TRIP11: variants seen among roughly 807,000 people sequenced by gnomAD.
The protein encoded by TRIP11 is thyroid hormone receptor interactor 11.
Under a neutral mutation model 223.1 loss-of-function variants are expected in TRIP11, and 148 were observed. The observed-to-expected ratio is 0.66, with a 90% CI of 0.58 to 0.76. TRIP11 has a LOEUF of 0.76. Ranked by LOEUF, TRIP11 falls within the 30% of genes least tolerant of loss-of-function variation. The pLI is 0.00. For synonymous variants in TRIP11, 762 were observed against 772.6 expected, an observed-to-expected ratio of 0.99 and a Z score of 0.23; for missense variants, 2,043 against 2,222.0, an observed-to-expected ratio of 0.92 and a Z score of 1.62.
chr14:92,004,088 C>T lies in TRIP11; in HGVS notation c.3888G>A (p.Gly1296=), dbSNP rs1266811308. ...QELAQVQHSI[G]QLCNTKDLLL... ...GAAGATCCTTGGTATTGCAAAGCTG[C>T]CCAATGCTGTGCTGAACTTGTGCTA... The change falls in exon 11 of 21, where the codon GGG becomes GGA. Residue 1296 remains glycine (G), a synonymous_variant. Transcript: ENST00000267622. 1 of 1,614,034 alleles carries T rather than the reference C, an allele frequency of 6.2e-7. No individual in the cohort carries two copies. Among genetic ancestry groups the T allele is most frequent in the Non-Finnish European group, 8.5e-7 (1 of 1,180,032 alleles).
rs151151936 is a variant in TRIP11, at chr14:92,003,748, T to G, written c.4228A>C (p.Lys1410Gln). The change falls in exon 11 of 21, where the codon AAG becomes CAG. Residue 1410 changes from lysine (K) to glutamine (Q), a missense_variant. Transcript: ENST00000267622. ...EKQDVLQKLL[K>Q]EKDLLIKAKS... ...GCTTTGATTAAGAGGTCTTTTTCCT[T>G]AAGTAACTTTTGCAAAACATCTTGT... is the stretch of plus-strand genomic sequence containing the variant. The G allele has an allele frequency of 1.2e-6, 2 of 1,614,210 alleles. No individual in the cohort carries two copies. Among genetic ancestry groups the G allele is most frequent in the Non-Finnish European group, 1.7e-6 (2 of 1,180,030 alleles).
In TRIP11 at chr14:92,021,553, T is replaced by A; in HGVS notation, c.588+3A>T. 1 of 1,614,094 alleles carries A rather than the reference T, an allele frequency of 6.2e-7. No individual in the cohort carries two copies. The highest frequency in any genetic ancestry group is 8.5e-7 in the Non-Finnish European group (1 of 1,180,020). On this transcript the variant is annotated splice_donor_region_variant and intron_variant, in intron 4 of 20. Transcript: ENST00000267622. ...TCAAAAACTCTAAAAAATTTTTATCTACCTGAGCAATATGCCTCCAATGGC... is the reference window on the plus strand; with the variant it reads ...TCAAAAACTCTAAAAAATTTTTATCAACCTGAGCAATATGCCTCCAATGGC...
chr14:92,003,322 T>G (rs2056851326), intron 11 of TRIP11, 97 bp downstream of exon 11: 1 of 1,489,012 alleles, frequency 6.7e-7, no homozygotes, highest in South Asian at 1.2e-5. Context: ...AATGAACAAA[T>G]GCACAGTCCC....
chr14:92,008,785 G>C (rs1386968985), intron 9 of TRIP11, among the ~76,000 whole-genome samples: 4 of 152,032 alleles, frequency 2.6e-5, no homozygotes, highest in African/African-American at 9.7e-5. Flanking sequence ...AGGATTACTT[G>C]AGCCAAGGAG....
rs1349760504 is a variant in TRIP11, at chr14:91,969,501, C to T, written c.*172G>A. 1.4e-6 allele frequency: 1 copy of T among 704,296 alleles called. No individual in the cohort carries two copies. The highest frequency in any genetic ancestry group is 1.8e-5 in the African/African-American group (1 of 56,514). The allele number at this position is 704,296 out of a possible 1,614,324, so 43.6% of individuals were successfully genotyped here. On this transcript the variant is annotated 3_prime_UTR_variant, in exon 21 of 21. Transcript: ENST00000267622. ...CAGATTATATAGCAAACACTTGCTC[C>T]TGACACCTGCAGTTTCTAAAAGCAT...
intron 16 of TRIP11, among the ~76,000 whole-genome samples, chr14:91,981,290 A>G (rs2056540773): frequency 6.6e-6 from 1 of 151,302 alleles, no homozygotes; most frequent in African/African-American, 2.4e-5. Context: ...TGCTGGGATT[A>G]CGAGTGTGAA....
At position 92,039,762 on chromosome 14, in the gene TRIP11, T is replaced by C. The variant is rs1398372908; in HGVS notation, c.-77A>G. On this transcript the variant is annotated 5_prime_UTR_variant, in exon 1 of 21. In the 5' UTR this introduces an upstream ATG that the reference lacks. Coordinates refer to ENST00000267622, the MANE Select transcript of TRIP11 (RefSeq NM_004239.4). ...AGCGCCGCCGGGCGATCCGACCAAA[T>C]ATCCTTGAACGCCTGCCTTCGCGAG... The C allele has an allele frequency of 7.7e-6, 12 of 1,557,418 alleles. No individual in the cohort carries two copies. The Admixed American group carries it at 1.4e-4, about 18-fold the overall frequency.
In TRIP11 at chr14:92,039,940, C is replaced by T. The variant is rs886050911; in HGVS notation, c.-255G>A. The T allele has an allele frequency of 1.6e-5, 10 of 621,784 alleles. No homozygotes were observed. The highest frequency in any genetic ancestry group is 2.7e-5 in the Non-Finnish European group (10 of 366,976). 38.5% of individuals were successfully genotyped at this position (621,784 alleles called of 1,614,324 possible). On this transcript the variant is annotated 5_prime_UTR_variant, in exon 1 of 21. Transcript: ENST00000267622. ...GCCTTCTGCTCATTCCCACGAATTC[C>T]CACCGTCCAGATTGGGCCACTTCTT...
In TRIP11 at chr14:92,021,850, A is replaced by T. The variant is rs1350448704; in HGVS notation, c.313-19T>A. 1 of 1,611,066 alleles carries T rather than the reference A, an allele frequency of 6.2e-7. No individual in the cohort carries two copies. ...TTTCTACCTATATATTTATAATCCA[A>T]GTTTTAGAGAAGGTACTTTAAAACA... On this transcript the variant is annotated intron_variant, in intron 3 of 20. Transcript: ENST00000267622.
chr14:91,966,380 G>A lies in TRIP11; in HGVS notation c.*3293C>T, dbSNP rs1024211172. The A allele has an allele frequency of 1.7e-4, 31 of 184,824 alleles. No homozygotes were observed. Among genetic ancestry groups the A allele is most frequent in the African/African-American group, 7.3e-4 (31 of 42,738 alleles). 11.4% of individuals were successfully genotyped at this position (184,824 alleles called of 1,614,324 possible). On this transcript the variant is annotated 3_prime_UTR_variant, in exon 21 of 21. Coordinates refer to ENST00000267622, the MANE Select transcript of TRIP11 (RefSeq NM_004239.4). ...ACAAAACTTAAAGATAAATTTTTGTGGATGGAAGATGTCTTGAATACTTCA... is the reference window on the plus strand; with the variant it reads ...ACAAAACTTAAAGATAAATTTTTGTAGATGGAAGATGTCTTGAATACTTCA...
At chr14:92,036,536 T>C (rs2057327197) in intron 1 of TRIP11, among the ~76,000 whole-genome samples, 1 of 152,238 alleles carries the variant, frequency 6.6e-6, no homozygotes, top group African/African-American at 2.4e-5. Flanking sequence ...CATGTCTCTC[T>C]GATTTAAAAG....
intron 15 of TRIP11, among the ~76,000 whole-genome samples, chr14:91,992,407 T>G (rs569779902): frequency 6.6e-5 from 10 of 152,170 alleles, no homozygotes; most frequent in Admixed American, 6.5e-4. Context: ...GTGTGGGTAT[T>G]TGCTGCATTG....
intron 13 of TRIP11, 37 bp downstream of exon 13, chr14:91,999,203 T>A: frequency 6.3e-7 from 1 of 1,598,718 alleles, no homozygotes; most frequent in Non-Finnish European, 8.5e-7. Flanking sequence ...TTAAGAAGTG[T>A]TCAGTTAAAG....
Position 91,995,566 on chromosome 14 carries a change from T to C in TRIP11, c.4893-51A>G, listed in dbSNP as rs368213049. ...AACTGCTTCATCTATTTAGATACTT[T>C]AACAAGAAGAAGCCACCTTCCCTAC... On this transcript the variant is annotated intron_variant, in intron 13 of 20. Transcript: ENST00000267622. 3.7e-6 allele frequency: 6 copies of C among 1,600,398 alleles called. No individual in the cohort carries two copies. The African/African-American group carries it at 8.1e-5, about 21-fold the overall frequency.
At position 92,004,674 on chromosome 14, in the gene TRIP11, A is replaced by C; in HGVS notation, c.3302T>G (p.Val1101Gly). ...AGTCTTCTCATTCAAAACAGCAAAT[A>C]CCTTTTCTCTTTCCATAGCATAAGC... ...LQAYAMEREK[V>G]FAVLNEKTRE... is the part of the protein sequence containing the mutation. Residue 1101 changes from valine to glycine, a missense_variant, in exon 11 of 21, where the codon GTA becomes GGA. Coordinates refer to ENST00000267622, the MANE Select transcript of TRIP11 (RefSeq NM_004239.4). The C allele has an allele frequency of 6.2e-7, 1 of 1,614,146 alleles. No homozygotes were observed. The highest frequency in any genetic ancestry group is 8.5e-7 in the Non-Finnish European group (1 of 1,180,016).
At chr14:91,969,926 C>A in intron 20 of TRIP11, 33 bp from the exon 21 acceptor site, 1 of 1,590,126 alleles carries the variant, frequency 6.3e-7, no homozygotes, top group Non-Finnish European at 8.6e-7. Flanking sequence ...AGTCTCCTAT[C>A]TTTCACAAAG....
At chr14:91,985,688 C>A (rs909314435) in intron 16 of TRIP11, among the ~76,000 whole-genome samples, 1 of 152,188 alleles carries the variant, frequency 6.6e-6, no homozygotes, top group African/African-American at 2.4e-5. Context: ...GTACTTTCTT[C>A]CAACAAAAGG....
Position 91,974,623 on chromosome 14 carries a change from T to C in TRIP11, c.5574+4A>G. The C allele has an allele frequency of 1.2e-6, 2 of 1,605,436 alleles. No homozygotes were observed. Among genetic ancestry groups the C allele is most frequent in the South Asian group, 2.2e-5 (2 of 90,862 alleles). On this transcript the variant is annotated splice_donor_region_variant and intron_variant, in intron 19 of 20. Coordinates refer to ENST00000267622, the MANE Select transcript of TRIP11 (RefSeq NM_004239.4). The stretch of plus-strand genomic sequence containing the variant: ...CCTTAAGCAAGAATAAAATTGTTTC[T>C]TACACTATTAACCACAGATTGCTGA...
chr14:92,036,497 T>G (rs2057326713), intron 1 of TRIP11, among the ~76,000 whole-genome samples: 2 of 152,216 alleles, frequency 1.3e-5, no homozygotes, highest in African/African-American at 4.8e-5. Context: ...ATCCCACAAC[T>G]TGTAATGCAC....
Sources: allele counts gnomAD v4.1 joint callset (sites outside exome capture counted in the v4.1 genomes callset), GRCh38; gene constraint gnomAD v4.1.1; transcripts MANE v1.5; gene names NCBI Gene and HGNC (gene_info 2026-07-23, HGNC 2026-07-21).